Variants in CFAP410 observed in about 807,000 individuals in gnomAD.
The protein encoded by CFAP410 is cilia and flagella associated protein 410.
A neutral mutation model predicts 25.7 loss-of-function variants in CFAP410; 27 were observed. The ratio of observed to expected loss-of-function variants is 1.05; its 90% confidence interval spans 0.77 to 1.45. CFAP410 has a LOEUF of 1.45. CFAP410 is among the 40% of genes most tolerant of loss of function. The probability of loss-of-function intolerance (pLI) is 0.00; values close to 1 mark genes in which losing one functional copy is unlikely to be tolerated. For missense variants in CFAP410, 428 were observed against 354.1 expected, an observed-to-expected ratio of 1.21 and a Z score of -1.67; for synonymous variants, 178 against 158.4, an observed-to-expected ratio of 1.12 and a Z score of -0.93.
chr21:44,332,197 C>T (rs73907171), intron 4 of CFAP410, 183 bp from the exon 5 acceptor site: 29 of 546,546 alleles, frequency 5.3e-5, no homozygotes, highest in East Asian at 1.3e-4. Flanking sequence ...CATCCCCAGC[C>T]TGGCACAGGC....
chr21:44,338,488 T>A lies in CFAP410; in HGVS notation c.77+630A>T. 3 of 378,046 alleles carry A rather than the reference T, an allele frequency of 7.9e-6. No individual in the cohort carries two copies. The Admixed American group carries it at 9.0e-5, about 11-fold the overall frequency. 23.4% of individuals were successfully genotyped at this position (378,046 alleles called of 1,614,324 possible). ...CGCACCCACGTCCCTTCCTGTCACC[T>A]GCTAGGAGTACCCTGGGAACGGCCG... is the stretch of plus-strand genomic sequence containing the variant. On this transcript the variant is annotated intron_variant, in intron 1 of 6. Coordinates refer to ENST00000339818, the MANE Select transcript of CFAP410 (RefSeq NM_004928.3).
In CFAP410 at chr21:44,331,530, C is replaced by A. The variant is rs2047648023; in HGVS notation, c.545+313G>T. 3 of 387,064 alleles carry A rather than the reference C, an allele frequency of 7.8e-6. No homozygotes were observed. The East Asian group carries it at 1.7e-4, about 22-fold the overall frequency. 24.0% of individuals were successfully genotyped at this position (387,064 alleles called of 1,614,324 possible). On this transcript the variant is annotated intron_variant, in intron 5 of 6. Coordinates refer to ENST00000339818, the MANE Select transcript of CFAP410 (RefSeq NM_004928.3). The stretch of plus-strand genomic sequence containing the variant: ...CTGTGGCCCTAGGCCACCCCCCCCA[C>A]CAGGGGCTCCCTGCACCTCACGAGC...
At chr21:44,332,094 T>C in intron 4 of CFAP410, 80 bp from the exon 5 acceptor site, 1 of 1,251,658 alleles carries the variant, frequency 8.0e-7, no homozygotes, top group Non-Finnish European at 1.1e-6. Context: ...CCGTCCTCAC[T>C]GTGGCTTCAG....
At position 44,330,074 on chromosome 21, in the gene CFAP410, G is replaced by A. The variant is rs911651292; in HGVS notation, c.*124C>T. On this transcript the variant is annotated 3_prime_UTR_variant, in exon 7 of 7. Transcript: ENST00000339818. ...CCCACTCCTGCCCTCGGCCGATGTG[G>A]CAAACCGGGGAGGCTTTTGTGTGGG... The A allele has an allele frequency of 8.5e-7, 1 of 1,175,272 alleles. No individual in the cohort carries two copies. The highest frequency in any genetic ancestry group is 1.5e-5 in the South Asian group (1 of 67,504). The allele number at this position is 1,175,272 out of a possible 1,614,324, so 72.8% of individuals were successfully genotyped here. A position where few individuals can be genotyped will look rare whatever the true frequency, so the allele number is the denominator to read the frequency against.
At chr21:44,338,499 C>T (rs2047796798) in intron 1 of CFAP410, 2 of 363,796 alleles carry the variant, frequency 5.5e-6, no homozygotes, top group Admixed American at 3.2e-5. Flanking sequence ...GCTAGGAGTA[C>T]CCTGGGAACG....
chr21:44,331,448 C>T (rs1301147980), intron 5 of CFAP410: 2 of 267,026 alleles, frequency 7.5e-6, no homozygotes, highest in Admixed American at 1.0e-4. Flanking sequence ...CCTCCACGGC[C>T]CCCAGGCCCA....
At chr21:44,335,446 G>C (rs1251375412) in intron 3 of CFAP410, 2 of 407,910 alleles carry the variant, frequency 4.9e-6, no homozygotes, top group African/African-American at 2.0e-5. Context: ...CTCCACCACC[G>C]ACTGGCCCAG....
Position 44,333,028 on chromosome 21 carries a change from CCTACCCTGGTTGTCCAG to C in CFAP410, c.361_373+4del. On this transcript the variant is annotated splice_donor_variant and splice_donor_region_variant and coding_sequence_variant and intron_variant, in exon 4 of 7. Coordinates refer to ENST00000339818, the MANE Select transcript of CFAP410 (RefSeq NM_004928.3). LOFTEE classifies it high-confidence loss of function. ...AGGGCCGGTGACTCCGCTGCGGCCA[CCTACCCTGGTTGTCCAG>C]CTTCTGTAGGCGCGGCAGGGTGCGC... 3.2e-6 allele frequency: 5 copies of C among 1,579,178 alleles called. No homozygotes were observed. The highest frequency in any genetic ancestry group is 4.3e-6 in the Non-Finnish European group (5 of 1,156,832).
At chr21:44,333,376 T>A in intron 3 of CFAP410, 114 bp from the exon 4 acceptor site, 1 of 798,190 alleles carries the variant, frequency 1.3e-6, no homozygotes, top group Non-Finnish European at 2.0e-6. Flanking sequence ...TGCCCTCTCC[T>A]GAGAAGCCTA....
At chr21:44,334,089 T>C (rs1343824771) in intron 3 of CFAP410, 1 of 456,098 alleles carries the variant, frequency 2.2e-6, no homozygotes, top group Non-Finnish European at 4.4e-6. Flanking sequence ...TGTGGGACTC[T>C]TTCCAGGATG....
intron 3 of CFAP410, chr21:44,334,519 C>CCCCCCTCAACCTCTGGGCGGGCCCGCGCA: frequency 1.4e-5 from 2 of 147,878 alleles, no homozygotes; most frequent in Non-Finnish European, 1.4e-5. Flanking sequence ...GCACGCGCAC[C>CCCCCCTCAACCTCTGGGCGGGCCCGCGCA]CCCCCCCCCC....
In CFAP410 at chr21:44,329,908, T is replaced by C. The variant is rs2146051877; in HGVS notation, c.*290A>G. On this transcript the variant is annotated 3_prime_UTR_variant, in exon 7 of 7. Transcript: ENST00000339818. ...TCCAGATCAACCTTGGGAAAATCTTTTATTAGGGAGGACAGCCTGCAAAAT... is the reference window on the plus strand; with the variant it reads ...TCCAGATCAACCTTGGGAAAATCTTCTATTAGGGAGGACAGCCTGCAAAAT... 1.1e-5 allele frequency: 4 copies of C among 374,020 alleles called. No individual in the cohort carries two copies. Among genetic ancestry groups the C allele is most frequent in the Non-Finnish European group, 1.9e-5 (4 of 206,932 alleles). The allele number at this position is 374,020 out of a possible 1,614,324, so 23.2% of individuals were successfully genotyped here.
At chr21:44,333,973 G>T (rs551692194) in intron 3 of CFAP410, 96 of 396,584 alleles carry the variant, frequency 2.4e-4, no homozygotes, top group African/African-American at 1.8e-3. Context: ...GCAGCCTGCC[G>T]TCCTGAGCCC....
At chr21:44,330,425 G>C in intron 6 of CFAP410, 99 bp from the exon 7 acceptor site, 6 of 1,553,384 alleles carry the variant, frequency 3.9e-6, no homozygotes, top group Non-Finnish European at 5.2e-6. Flanking sequence ...ACCACGGAGC[G>C]ACTGGTCCCG....
intron 4 of CFAP410, 101 bp downstream of exon 4, chr21:44,332,932 G>T: frequency 1.2e-6 from 1 of 800,496 alleles, no homozygotes; most frequent in South Asian, 1.7e-5. Flanking sequence ...TGTCCCGCCA[G>T]ACCAGGTATT....
chr21:44,329,699 GC>G lies in CFAP410; in HGVS notation c.*498del, dbSNP rs1373327000. ...CGGGAGGCTGCTGCCTGCCTGCTGA[GC>G]AGCTCAGGGCAGATGTCGCTATGGG... On this transcript the variant is annotated 3_prime_UTR_variant, in exon 7 of 7. Transcript: ENST00000339818. The G allele has an allele frequency of 1.3e-5, 2 of 153,776 alleles. No individual in the cohort carries two copies. The highest frequency in any genetic ancestry group is 4.8e-5 in the African/African-American group (2 of 41,508). The allele number at this position is 153,776 out of a possible 1,614,324, so 9.5% of individuals were successfully genotyped here.
intron 5 of CFAP410, chr21:44,331,485 C>T (rs745991390): frequency 1.3e-5 from 4 of 314,088 alleles, no homozygotes; most frequent in Non-Finnish European, 2.4e-5. Context: ...GATGGCCGTG[C>T]CCACAAACCA....
chr21:44,338,414 G>T, intron 1 of CFAP410: 1 of 833,434 alleles, frequency 1.2e-6, no homozygotes, highest in Non-Finnish European at 1.7e-6. Context: ...GTCTTCCTTG[G>T]CTCAGTGAGA....
In CFAP410 at chr21:44,331,197, G is replaced by GT. The variant is rs1370726999; in HGVS notation, c.546-279dup. 3 of 531,252 alleles carry GT rather than the reference G, an allele frequency of 5.6e-6. No individual in the cohort carries two copies. The African/African-American group carries it at 5.7e-5, about 10-fold the overall frequency. The allele number at this position is 531,252 out of a possible 1,614,324, so 32.9% of individuals were successfully genotyped here. On this transcript the variant is annotated intron_variant, in intron 5 of 6. Coordinates refer to ENST00000339818, the MANE Select transcript of CFAP410 (RefSeq NM_004928.3). ...TTCCACCCAGGGCTTCAGGGGCAGG[G>GT]TGGGGGGCACCCGAACACACAAATG...
Sources: allele counts gnomAD v4.1 joint callset, GRCh38; gene constraint gnomAD v4.1.1; transcripts MANE v1.5; gene names NCBI Gene and HGNC (gene_info 2026-07-23, HGNC 2026-07-21).